Variants in PAM16 observed in about 807,000 individuals in gnomAD.
PAM16 encodes mitochondrial import inner membrane translocase subunit TIM16.
PAM16 carries 11 observed loss-of-function variants against 17.9 expected under a neutral mutation model. The observed-to-expected ratio is 0.62, with a 90% CI of 0.39 to 1.02. PAM16 has a LOEUF of 1.02. Among genes scored for constraint, PAM16 ranks in the 50% least tolerant of loss-of-function variants. The probability of loss-of-function intolerance (pLI) is 0.01; values close to 1 mark genes in which losing one functional copy is unlikely to be tolerated. For missense variants in PAM16, 199 were observed against 165.4 expected (o/e 1.20, Z -1.11); for synonymous variants, 72 against 67.4 (o/e 1.07, Z -0.34).
rs2053678512 is a variant in PAM16 at position 4,343,274 on chromosome 16, C to G, written c.21G>C (p.Gln7His). Residue 7 changes from glutamine (Q) to histidine (H), a missense_variant, in exon 2 of 5, where the codon CAG becomes CAC. By Grantham distance (24) the Gln-to-His change is conservative (BLOSUM62 0). Transcript: ENST00000318059. ...CCACCTGCACGCCCATCACAATGAT[C>G]TGGGCCAGGTACTTGGCCTGTGGGC... The part of the protein sequence containing the change: MAKYLA[Q>H]IIVMGVQVVG... The G allele has an allele frequency of 1.2e-6, 2 of 1,612,124 alleles. No individual in the cohort carries two copies. Among genetic ancestry groups the G allele is most frequent in the Non-Finnish European group, 1.7e-6 (2 of 1,179,664 alleles).
intron 1 of PAM16, 57 bp from the exon 2 acceptor site, chr16:4,343,348 G>GT: frequency 6.4e-7 from 1 of 1,552,290 alleles, no homozygotes; most frequent in Non-Finnish European, 8.7e-7. Flanking sequence ...CCACAGAGAT[G>GT]GGCCCTGGAA....
intron 1 of PAM16, chr16:4,348,666 T>C (rs1028681856): frequency 6.6e-6 from 1 of 152,298 alleles, no homozygotes; most frequent in African/African-American, 2.4e-5. Flanking sequence ...CACTTTCTTT[T>C]TTTTTTGGAG....
intron 1 of PAM16, chr16:4,343,720 A>G (rs2053688073): frequency 2.2e-6 from 1 of 454,664 alleles, no homozygotes; most frequent in Non-Finnish European, 3.7e-6. Context: ...ATCAGGCCCA[A>G]CCTTTACTTT....
chr16:4,350,310 G>GTA lies in PAM16; in HGVS notation c.3+920_3+921dup, dbSNP rs763454455. ...ATGTATATATTATGTGTGTGTGTGT[G>GTA]TATATATATATATAAAATACATGAT... On this transcript the variant is annotated intron_variant, in intron 1 of 4. Transcript: ENST00000318059. Among the ~76,000 whole-genome samples the GTA allele has an allele frequency of 2.5e-3, 374 of 147,808 alleles. 2 individuals carry two copies. Among genetic ancestry groups the GTA allele is most frequent in the Admixed American group, 3.1e-3 (46 of 14,758 alleles).
intron 1 of PAM16, chr16:4,347,328 T>G (rs1055961546): frequency 2.0e-5 from 3 of 151,930 alleles, no homozygotes; most frequent in African/African-American, 7.3e-5. Flanking sequence ...TCTGGAGAGA[T>G]GGGGTTTCGC....
chr16:4,344,788 A>G (rs2053726050), intron 1 of PAM16, among the ~76,000 whole-genome samples: 1 of 66,430 alleles, frequency 1.5e-5, no homozygotes, highest in Non-Finnish European at 2.7e-5. Flanking sequence ...GTTCTGTGAG[A>G]GGAGGGGATT....
intron 1 of PAM16, among the ~76,000 whole-genome samples, chr16:4,349,623 C>T (rs1252475919): frequency 1.3e-5 from 2 of 152,056 alleles, no homozygotes; most frequent in African/African-American, 2.4e-5. Context: ...AAAAATTAGC[C>T]AGGTGTGCTG....
chr16:4,349,868 T>C (rs1476235752), intron 1 of PAM16, among the ~76,000 whole-genome samples: 1 of 152,098 alleles, frequency 6.6e-6, no homozygotes, highest in African/African-American at 2.4e-5. Flanking sequence ...GTCAAAACTG[T>C]CTGGGGCTCA....
At chr16:4,340,865 G>C in intron 4 of PAM16, 55 bp downstream of exon 4, 1 of 1,603,332 alleles carries the variant, frequency 6.2e-7, no homozygotes, top group South Asian at 1.1e-5. Context: ...TTGAGCCCCA[G>C]GTGAGAAGAA....
At chr16:4,344,892 G>C (rs951856317) in intron 1 of PAM16, among the ~76,000 whole-genome samples, 1 of 151,694 alleles carries the variant, frequency 6.6e-6, no homozygotes, top group African/African-American at 2.4e-5. Flanking sequence ...GGGCTTTGCA[G>C]GGTAGGAAGA....
intron 1 of PAM16, chr16:4,346,026 G>T: frequency 1.0e-6 from 1 of 954,320 alleles, no homozygotes; most frequent in Non-Finnish European, 1.2e-6. Flanking sequence ...AATAATGAAC[G>T]GTAAGAGCTG....
intron 2 of PAM16, 51 bp downstream of exon 2, chr16:4,343,156 C>A: frequency 1.2e-6 from 2 of 1,611,664 alleles, no homozygotes; most frequent in Admixed American, 1.7e-5. Flanking sequence ...CGGGGAAAAT[C>A]TGACCTGGAG....
At position 4,343,233 on chromosome 16, in the gene PAM16, G is replaced by A. The variant is rs760680770; in HGVS notation, c.62C>T (p.Ala21Val). 5.0e-6 allele frequency: 8 copies of A among 1,612,780 alleles called. No individual in the cohort carries two copies. Among genetic ancestry groups the A allele is most frequent in the Non-Finnish European group, 6.8e-6 (8 of 1,179,938 alleles). ...MGVQVVGRAF[A>V]RALRQEFAAS... ...TGCAAACTCCTGCCGCAAGGCCCGT[G>A]CAAAGGCCCTGCCCACCACCTGCAC... is the stretch of plus-strand genomic sequence containing the variant. Residue 21 changes from alanine (A) to valine (V), a missense_variant, in exon 2 of 5, where the codon GCA (alanine) becomes GTA (valine). Coordinates refer to ENST00000318059, the MANE Select transcript of PAM16 (RefSeq NM_016069.11).
intron 1 of PAM16, chr16:4,350,920 A>C: frequency 3.7e-6 from 1 of 270,476 alleles, no homozygotes; most frequent in Non-Finnish European, 6.9e-6. Context: ...GTTCCAGGGC[A>C]GGGGAGGCGC....
chr16:4,341,837 GTA>G (rs1304720443), intron 2 of PAM16, among the ~76,000 whole-genome samples: 1 of 152,170 alleles, frequency 6.6e-6, no homozygotes, highest in African/African-American at 2.4e-5. Context: ...GATGGAGACT[GTA>G]TAGTGGGGCT....
chr16:4,340,505 T>G, intron 4 of PAM16, 100 bp from the exon 5 acceptor site: 1 of 1,321,690 alleles, frequency 7.6e-7, no homozygotes, highest in Non-Finnish European at 1.0e-6. Flanking sequence ...GTCCATTTTT[T>G]GAAGGGCAGT....
intron 3 of PAM16, 119 bp downstream of exon 3, chr16:4,341,249 A>T (rs1385749472): frequency 4.1e-6 from 6 of 1,454,312 alleles, no homozygotes; most frequent in Non-Finnish European, 4.6e-6. Context: ...CGAAAGTTGG[A>T]GTCCGAGCTG....
intron 1 of PAM16, 71 bp from the exon 2 acceptor site, chr16:4,343,362 G>A (rs1315564095): frequency 6.5e-7 from 1 of 1,536,596 alleles, no homozygotes; most frequent in Non-Finnish European, 8.8e-7. Flanking sequence ...CCTGGAAACG[G>A]CTGCCGAGGG....
intron 2 of PAM16, among the ~76,000 whole-genome samples, chr16:4,342,828 G>A (rs774573512): frequency 5.3e-5 from 8 of 151,710 alleles, no homozygotes; most frequent in Non-Finnish European, 1.2e-4. Context: ...GTATGGTGTC[G>A]GGTGCTTGTA....
Sources: gnomAD v4.1 joint callset for allele counts (sites outside exome capture counted in the v4.1 genomes callset) on GRCh38, gnomAD v4.1.1 for gene constraint, MANE v1.5 for transcripts, NCBI Gene and HGNC (gene_info 2026-07-23, HGNC 2026-07-21) for gene names.